The following FAM13A variants were observed in gnomAD, a reference collection of about 807,000 sequenced individuals.
The protein encoded by FAM13A is family with sequence similarity 13 member A, also known as protein FAM13A.
A neutral mutation model predicts 129.6 loss-of-function variants in FAM13A; 76 were observed. That is an observed-to-expected ratio of 0.59 (90% CI 0.49 to 0.71). FAM13A has a LOEUF of 0.71. Among genes scored for constraint, FAM13A ranks in the 30% least tolerant of loss-of-function variants. The probability of loss-of-function intolerance (pLI) is 0.00; values close to 1 mark genes in which losing one functional copy is unlikely to be tolerated. For synonymous variants in FAM13A, 443 were observed against 449.9 expected (o/e 0.98, Z 0.20); for missense variants, 1,108 against 1,249.3 (o/e 0.89, Z 1.70).
At chr4:89,036,843 C>CAGAG (rs1769448488) in intron 1 of FAM13A, among the ~76,000 whole-genome samples, 1 of 152,228 alleles carries the variant, frequency 6.6e-6, no homozygotes, top group African/African-American at 2.4e-5. Context: ...GCCACTGCTC[C>CAGAG]AGAGGGTACA....
intron 7 of FAM13A, among the ~76,000 whole-genome samples, chr4:88,809,586 C>A (rs76273989): frequency 0.046 from 6,924 of 152,102 alleles, 228 homozygotes; most frequent in Non-Finnish European, 0.066. Context: ...ATAAAGTAAA[C>A]ATTTTTTCAG....
intron 6 of FAM13A, among the ~76,000 whole-genome samples, chr4:88,883,399 G>C (rs1234327782): frequency 6.6e-6 from 1 of 151,990 alleles, no homozygotes. Context: ...TTAACAATCT[G>C]CTCCTGAATG....
intron 13 of FAM13A, among the ~76,000 whole-genome samples, chr4:88,759,842 G>A (rs1052009670): frequency 8.5e-5 from 13 of 152,254 alleles, no homozygotes; most frequent in African/African-American, 3.1e-4. Context: ...TAAACAAACT[G>A]CACTCGAATT....
At chr4:88,739,786 C>CAAAAAAAA (rs34007551) in intron 19 of FAM13A, among the ~76,000 whole-genome samples, 1 of 67,916 alleles carries the variant, frequency 1.5e-5, no homozygotes, top group African/African-American at 5.7e-5. Context: ...GACTCTGTCT[C>CAAAAAAAA]AAAAAAAAAA....
intron 7 of FAM13A, among the ~76,000 whole-genome samples, chr4:88,844,733 T>C (rs776406601): frequency 8.5e-5 from 13 of 152,126 alleles, no homozygotes; most frequent in Admixed American, 7.2e-4. Context: ...AGCCATTATA[T>C]AGTTCTGAGC....
At chr4:88,963,517 C>T (rs1351460781) in intron 4 of FAM13A, among the ~76,000 whole-genome samples, 4 of 152,002 alleles carry the variant, frequency 2.6e-5, no homozygotes, top group African/African-American at 9.7e-5. Flanking sequence ...GGGATGGTCT[C>T]GAACTCCTGA....
chr4:89,050,249 T>C (rs1579936299), intron 1 of FAM13A, among the ~76,000 whole-genome samples: 1 of 152,046 alleles, frequency 6.6e-6, no homozygotes, highest in East Asian at 1.9e-4. Context: ...ACAAGCTCTG[T>C]CACCCATGCT....
intron 6 of FAM13A, among the ~76,000 whole-genome samples, chr4:88,863,430 C>T (rs1470341835): frequency 6.6e-6 from 1 of 152,138 alleles, no homozygotes; most frequent in African/African-American, 2.4e-5. Flanking sequence ...TTTGGCTGTT[C>T]TTGAGTTGTA....
At chr4:88,779,298 G>A (rs1286845984) in intron 11 of FAM13A, among the ~76,000 whole-genome samples, 3 of 152,208 alleles carry the variant, frequency 2.0e-5, no homozygotes, top group East Asian at 3.9e-4. Flanking sequence ...AAATGGGCTA[G>A]GGAAAGGTTT....
chr4:89,023,709 A>AC (rs1253155704), intron 2 of FAM13A, among the ~76,000 whole-genome samples: 2 of 152,126 alleles, frequency 1.3e-5, no homozygotes, highest in African/African-American at 4.8e-5. Context: ...ATTATCTCCC[A>AC]CCCACAACTC....
intron 10 of FAM13A, among the ~76,000 whole-genome samples, chr4:88,787,542 G>A (rs1323026160): frequency 1.3e-5 from 2 of 152,066 alleles, no homozygotes; most frequent in South Asian, 4.1e-4. Context: ...CCAAATGTCT[G>A]GATGAAACGG....
chr4:89,002,560 T>TC (rs1416700272), intron 3 of FAM13A, among the ~76,000 whole-genome samples: 1 of 152,142 alleles, frequency 6.6e-6, no homozygotes, highest in Non-Finnish European at 1.5e-5. Context: ...GAGAAAAAGA[T>TC]CTTCACATAC....
At chr4:88,740,871 A>G (rs1332517125) in intron 19 of FAM13A, among the ~76,000 whole-genome samples, 1 of 152,216 alleles carries the variant, frequency 6.6e-6, no homozygotes, top group Admixed American at 6.5e-5. Context: ...TGCTTCTACT[A>G]TGTACTATAC....
chr4:89,045,082 T>C (rs897545463), intron 1 of FAM13A, among the ~76,000 whole-genome samples: 10 of 152,150 alleles, frequency 6.6e-5, no homozygotes, highest in South Asian at 2.1e-4. Context: ...TTTTATGTTA[T>C]GTATATTTTA....
At chr4:88,901,675 C>T (rs1463329253) in intron 6 of FAM13A, among the ~76,000 whole-genome samples, 5 of 150,194 alleles carry the variant, frequency 3.3e-5, no homozygotes, top group Admixed American at 3.3e-4. Flanking sequence ...AAATGCCTAA[C>T]ATCACAACTA....
At chr4:88,900,873 C>T (rs779824721) in intron 6 of FAM13A, among the ~76,000 whole-genome samples, 4 of 151,988 alleles carry the variant, frequency 2.6e-5, no homozygotes, top group Non-Finnish European at 5.9e-5. Context: ...GAGTCAAGAC[C>T]CATCAGTATG....
intron 4 of FAM13A, among the ~76,000 whole-genome samples, chr4:88,959,583 G>A (rs1165452746): frequency 6.6e-6 from 1 of 152,170 alleles, no homozygotes; most frequent in South Asian, 2.1e-4. Flanking sequence ...AAGCCCAGCT[G>A]ATGCCAGTAC....
intron 6 of FAM13A, among the ~76,000 whole-genome samples, chr4:88,886,776 G>A (rs1487459994): frequency 3.3e-5 from 5 of 151,538 alleles, no homozygotes; most frequent in African/African-American, 7.3e-5. Flanking sequence ...GCATGGTGAC[G>A]CATGCCTGTA....
intron 5 of FAM13A, chr4:88,937,768 A>G: frequency 2.5e-6 from 1 of 393,356 alleles, no homozygotes; most frequent in Non-Finnish European, 4.6e-6. Context: ...AGCCATATGC[A>G]CTTATTCCTG....
Sources: allele counts gnomAD v4.1 joint callset (sites outside exome capture counted in the v4.1 genomes callset), GRCh38; gene constraint gnomAD v4.1.1; transcripts MANE v1.5; gene names NCBI Gene and HGNC (gene_info 2026-07-23, HGNC 2026-07-21).